Variants in SYNRG observed in about 807,000 individuals in gnomAD.
The protein encoded by SYNRG is AP1 gamma subunit binding protein 1.
In SYNRG, 37 loss-of-function variants were observed where a neutral mutation model predicts 130.9. The observed-to-expected ratio is 0.28, with a 90% CI of 0.22 to 0.37. The LOEUF (loss-of-function observed/expected upper bound fraction) is 0.37. Among genes scored for constraint, SYNRG ranks in the 10% least tolerant of loss-of-function variants. The pLI, the probability that SYNRG is intolerant of heterozygous loss-of-function variation, is 1.00. For missense variants in SYNRG, 1,338 were observed against 1,588.9 expected, an observed-to-expected ratio of 0.84 and a Z score of 2.68; for synonymous variants, 539 against 568.1, an observed-to-expected ratio of 0.95 and a Z score of 0.73.
At chr17:37,598,383 C>T (rs1227849536) in intron 2 of SYNRG, among the ~76,000 whole-genome samples, 1 of 152,170 alleles carries the variant, frequency 6.6e-6, no homozygotes, top group African/African-American at 2.4e-5. Context: ...ACAAAGATCA[C>T]GAGGTGTCAG....
Position 37,539,181 on chromosome 17 carries a change from G to A in SYNRG, c.3420+11C>T, listed in dbSNP as rs748582005. 4.3e-6 allele frequency: 7 copies of A among 1,613,870 alleles called. No homozygotes were observed. The highest frequency in any genetic ancestry group is 3.3e-5 in the South Asian group (3 of 91,048). The stretch of plus-strand genomic sequence containing the variant: ...CTCACATATGTGTGAACGCGTAAGT[G>A]ACATACTCACATTCAGGGCACTCCC... On this transcript the variant is annotated intron_variant, in intron 17 of 21. Transcript: ENST00000612223.
chr17:37,571,040 G>C lies in SYNRG; in HGVS notation c.1099-155C>G, dbSNP rs1010613171. ...TTTGATTTAAGAAAAAAAGTTACAA[G>C]GTCAATGCAAACCTAATACTTAAGA... On this transcript the variant is annotated intron_variant, in intron 9 of 21. Coordinates refer to ENST00000612223, the MANE Select transcript of SYNRG (RefSeq NM_007247.6). Among the ~76,000 whole-genome samples the C allele has an allele frequency of 3.9e-5, 6 of 152,164 alleles. No homozygotes were observed. The South Asian group carries it at 6.2e-4, about 16-fold the overall frequency.
At chr17:37,565,840 C>G (rs2059917886) in intron 11 of SYNRG, among the ~76,000 whole-genome samples, 1 of 151,674 alleles carries the variant, frequency 6.6e-6, no homozygotes, top group Non-Finnish European at 1.5e-5. Context: ...AGGAGCCTCT[C>G]CACCCGGCAG....
rs745811542 is a variant in SYNRG at position 37,596,238 on chromosome 17, T to A, written c.225A>T (p.Gly75=). Residue 75 remains glycine, a synonymous_variant, in exon 3 of 22, where the codon GGA becomes GGT. Transcript: ENST00000612223. The stretch of plus-strand genomic sequence containing the variant: ...AAGCAAGTACCTGCATAGCAATAGG[T>A]CCTTGGGACATCTGAGAGCTGTAAT... ...GMNYSSQMSQ[G]PIAMQAGIPM... is the part of the protein sequence containing the mutation. The A allele has an allele frequency of 1.2e-6, 2 of 1,613,984 alleles. No homozygotes were observed. Among genetic ancestry groups the A allele is most frequent in the Admixed American group, 1.7e-5 (1 of 59,994 alleles).
intron 21 of SYNRG, among the ~76,000 whole-genome samples, chr17:37,519,397 C>A (rs2054708021): frequency 1.3e-5 from 2 of 152,172 alleles, no homozygotes; most frequent in Non-Finnish European, 2.9e-5. Context: ...GGATAGCTTT[C>A]ATCCCTCACT....
chr17:37,568,898 G>A lies in SYNRG; in HGVS notation c.1374C>T (p.Phe458=). 2 of 1,613,950 alleles carry A rather than the reference G, an allele frequency of 1.2e-6. No homozygotes were observed. The highest frequency in any genetic ancestry group is 1.7e-6 in the Non-Finnish European group (2 of 1,179,926). The change falls in exon 11 of 22, where the codon TTC becomes TTT. Residue 458 remains phenylalanine (F), a synonymous_variant. Coordinates refer to ENST00000612223, the MANE Select transcript of SYNRG (RefSeq NM_007247.6). The part of the protein sequence containing the change: ...NQVVKPEEDD[F]QDFQDASKSG... The stretch of plus-strand genomic sequence containing the variant: ...ACTTAGAAGCATCTTGAAAATCCTG[G>A]AAGTCATCTTCTTCTGGCTTTACTA...
intron 19 of SYNRG, among the ~76,000 whole-genome samples, chr17:37,522,680 G>T (rs2055272395): frequency 7.2e-6 from 1 of 139,606 alleles, no homozygotes; most frequent in East Asian, 2.1e-4. Context: ...TTGCTCTGTA[G>T]CCCAGGCTGG....
intron 16 of SYNRG, 139 bp from the exon 17 acceptor site, chr17:37,539,384 T>C: frequency 1.1e-6 from 1 of 903,214 alleles, no homozygotes; most frequent in Admixed American, 2.8e-5. Context: ...GTTTTTTTTG[T>C]TTTTGTTTTT....
intron 14 of SYNRG, among the ~76,000 whole-genome samples, chr17:37,545,761 AGC>A (rs2058226237): frequency 6.6e-6 from 1 of 152,242 alleles, no homozygotes. Context: ...TAAAATGAAG[AGC>A]AAATATACAA....
rs748366509 is a variant in SYNRG, at chr17:37,561,540, T to C, written c.1531A>G (p.Met511Val). The C allele has an allele frequency of 9.9e-6, 16 of 1,613,624 alleles. 1 individual carries two copies. Among genetic ancestry groups the C allele is most frequent in the South Asian group, 7.7e-5 (7 of 91,064 alleles). Residue 511 changes from methionine (M) to valine (V), a missense_variant, in exon 12 of 22, where the codon ATG becomes GTG. By Grantham distance (21) the Met-to-Val change is conservative (BLOSUM62 1). Coordinates refer to ENST00000612223, the MANE Select transcript of SYNRG (RefSeq NM_007247.6). ...CCTTTAAACACAGCATATTTGTCCA[T>C]TGAAGGCAATGCTTTAGTTCCAGGA... Reference protein sequence around the residue: ...PLPGTKALPSMDKYAVFKGIA... With the variant: ...PLPGTKALPSVDKYAVFKGIA...
chr17:37,605,585 A>G (rs2063682351), intron 1 of SYNRG, among the ~76,000 whole-genome samples: 1 of 152,264 alleles, frequency 6.6e-6, no homozygotes, highest in Admixed American at 6.5e-5. Flanking sequence ...GTAAGAATTT[A>G]GCAAATCGAA....
intron 3 of SYNRG, among the ~76,000 whole-genome samples, chr17:37,590,311 T>C (rs2050630372): frequency 6.6e-6 from 1 of 151,872 alleles, no homozygotes; most frequent in Non-Finnish European, 1.5e-5. Context: ...AACATGACAC[T>C]ATAAACAAAA....
At chr17:37,580,088 A>C (rs1206841033) in intron 6 of SYNRG, among the ~76,000 whole-genome samples, 1 of 152,168 alleles carries the variant, frequency 6.6e-6, no homozygotes, top group African/African-American at 2.4e-5. Flanking sequence ...TATACATCAG[A>C]TATAAGAAAA....
intron 19 of SYNRG, among the ~76,000 whole-genome samples, chr17:37,522,030 G>A (rs1420239507): frequency 6.6e-6 from 1 of 152,012 alleles, no homozygotes; most frequent in Non-Finnish European, 1.5e-5. Flanking sequence ...TGCTTGTGGA[G>A]AGATCTGAAG....
intron 20 of SYNRG, 79 bp downstream of exon 20, chr17:37,520,458 AG>A: frequency 7.3e-7 from 1 of 1,365,010 alleles, no homozygotes; most frequent in Middle Eastern, 1.8e-4. Flanking sequence ...CAAACTCTGC[AG>A]TAAAGTGGGC....
chr17:37,541,971 C>T lies in SYNRG; in HGVS notation c.3202+1G>A. 1 of 1,612,032 alleles carries T rather than the reference C, an allele frequency of 6.2e-7. No individual in the cohort carries two copies. Among genetic ancestry groups the T allele is most frequent in the South Asian group, 1.1e-5 (1 of 91,014 alleles). On this transcript the variant is annotated splice_donor_variant, in intron 15 of 21. Coordinates refer to ENST00000612223, the MANE Select transcript of SYNRG (RefSeq NM_007247.6). LOFTEE classifies it high-confidence loss of function. Reference sequence around the variant, plus strand: ...TAAAATCTACCTTGGAAGCTACTCACCTTGAACAGAAAGGTCAAAGGTTGC... The same window carrying T: ...TAAAATCTACCTTGGAAGCTACTCATCTTGAACAGAAAGGTCAAAGGTTGC...
In SYNRG at chr17:37,554,063, A is replaced by C. The variant is rs1200715330; in HGVS notation, c.1664-4T>G. 1 of 1,587,764 alleles carries C rather than the reference A, an allele frequency of 6.3e-7. No homozygotes were observed. Among genetic ancestry groups the C allele is most frequent in the South Asian group, 1.2e-5 (1 of 85,688 alleles). ...CTGAATTCTGCAAAGCTTTCTCCTGAAAGAAAAAATACCACCAAACAAATG... is the reference window on the plus strand; with the variant it reads ...CTGAATTCTGCAAAGCTTTCTCCTGCAAGAAAAAATACCACCAAACAAATG... On this transcript the variant is annotated splice_polypyrimidine_tract_variant and splice_region_variant and intron_variant, in intron 13 of 21. Coordinates refer to ENST00000612223, the MANE Select transcript of SYNRG (RefSeq NM_007247.6).
At chr17:37,522,268 C>G (rs932893925) in intron 19 of SYNRG, among the ~76,000 whole-genome samples, 1 of 151,924 alleles carries the variant, frequency 6.6e-6, no homozygotes, top group Non-Finnish European at 1.5e-5. Flanking sequence ...TTCCTGGGCT[C>G]AAGAGATCCT....
intron 14 of SYNRG, among the ~76,000 whole-genome samples, chr17:37,545,778 C>T (rs1236273806): frequency 6.6e-6 from 1 of 152,142 alleles, no homozygotes; most frequent in African/African-American, 2.4e-5. Context: ...ATACAAGAGT[C>T]ACTAAAATCA....
Sources: gnomAD v4.1 joint callset for allele counts (sites outside exome capture counted in the v4.1 genomes callset) on GRCh38, gnomAD v4.1.1 for gene constraint, MANE v1.5 for transcripts, NCBI Gene and HGNC (gene_info 2026-07-23, HGNC 2026-07-21) for gene names.